Variants in NCK2 observed in about 807,000 individuals in gnomAD.
The protein encoded by NCK2 is cytoplasmic protein NCK2.
Under a neutral mutation model 33.9 loss-of-function variants are expected in NCK2, and 16 were observed. That is an observed-to-expected ratio of 0.47 (90% CI 0.32 to 0.72). NCK2 has a LOEUF of 0.72. NCK2 is among the 30% of genes least tolerant of loss of function. The probability of loss-of-function intolerance (pLI) is 0.03; values close to 1 mark genes in which losing one functional copy is unlikely to be tolerated. For missense variants in NCK2, 418 were observed against 537.3 expected, an observed-to-expected ratio of 0.78 and a Z score of 2.19; for synonymous variants, 273 against 239.9, an observed-to-expected ratio of 1.14 and a Z score of -1.27.
intron 1 of NCK2, among the ~76,000 whole-genome samples, chr2:105,812,595 G>A (rs1046226134): frequency 1.3e-5 from 2 of 152,170 alleles, no homozygotes; most frequent in African/African-American, 2.4e-5. Context: ...GGAGGGAAGG[G>A]TAAGACAAGG....
intron 1 of NCK2, among the ~76,000 whole-genome samples, chr2:105,764,552 C>T (rs1269684281): frequency 1.3e-5 from 2 of 152,198 alleles, no homozygotes; most frequent in Non-Finnish European, 2.9e-5. Context: ...CTGGTCTTCC[C>T]AGGTGGGGTT....
chr2:105,880,871 C>G (rs1678442841), intron 3 of NCK2, among the ~76,000 whole-genome samples: 1 of 150,206 alleles, frequency 6.7e-6, no homozygotes, highest in Non-Finnish European at 1.5e-5. Context: ...AACTCTGGCT[C>G]AAGCCATCCT....
At position 105,769,347 on chromosome 2, in the gene NCK2, T is replaced by C. The variant is rs1041647513; in HGVS notation, c.-201+24209T>C. 9.3e-5 allele frequency among the ~76,000 whole-genome samples: 13 copies of C among 140,504 alleles called. No homozygotes were observed. In the Admixed American group the frequency reaches 9.8e-4, roughly 11 times the overall value. The allele number at this position is 140,504 out of a possible 152,430, so 92.2% of individuals were successfully genotyped here. A position where few individuals can be genotyped will look rare whatever the true frequency, so the allele number is the denominator to read the frequency against. On this transcript the variant is annotated intron_variant, in intron 1 of 4. Coordinates refer to ENST00000233154, the MANE Select transcript of NCK2 (RefSeq NM_003581.5). Reference sequence around the variant, plus strand: ...TCCTCTCAGTAAAACAGCTGATGCGTGCCTATTTTACATTCTTTTCTACCC... The same window carrying C: ...TCCTCTCAGTAAAACAGCTGATGCGCGCCTATTTTACATTCTTTTCTACCC...
intron 1 of NCK2, among the ~76,000 whole-genome samples, chr2:105,810,147 A>G (rs1166736753): frequency 6.6e-6 from 1 of 152,188 alleles, no homozygotes; most frequent in Non-Finnish European, 1.5e-5. Flanking sequence ...GTGGAATTTT[A>G]TCTAAAGCTG....
intron 3 of NCK2, among the ~76,000 whole-genome samples, chr2:105,878,631 A>G (rs1448051800): frequency 1.3e-5 from 2 of 152,226 alleles, no homozygotes; most frequent in Non-Finnish European, 2.9e-5. Flanking sequence ...CACCCAGTCT[A>G]TGGTACTTAT....
chr2:105,833,291 T>A (rs955667628), intron 2 of NCK2, among the ~76,000 whole-genome samples: 13 of 152,096 alleles, frequency 8.5e-5, no homozygotes, highest in Non-Finnish European at 1.9e-4. Flanking sequence ...GAGATGAGCT[T>A]TCACCTTGTT....
intron 1 of NCK2, among the ~76,000 whole-genome samples, chr2:105,799,094 A>C (rs1424330169): frequency 2.0e-5 from 3 of 151,990 alleles, no homozygotes; most frequent in African/African-American, 7.3e-5. Flanking sequence ...TTATTTAAGA[A>C]GCTCTCGCTG....
intron 3 of NCK2, among the ~76,000 whole-genome samples, chr2:105,858,900 C>A (rs1185576251): frequency 1.3e-5 from 2 of 152,230 alleles, no homozygotes; most frequent in African/African-American, 4.8e-5. Context: ...GATCTCTTCT[C>A]ATATTCAGCT....
intron 2 of NCK2, among the ~76,000 whole-genome samples, chr2:105,819,239 G>A (rs1675630332): frequency 6.6e-6 from 1 of 150,962 alleles, no homozygotes; most frequent in South Asian, 2.1e-4. Flanking sequence ...GTGCAAGACA[G>A]ACACCATCGG....
chr2:105,769,019 A>T (rs538646459), intron 1 of NCK2, among the ~76,000 whole-genome samples: 2 of 151,848 alleles, frequency 1.3e-5, no homozygotes, highest in South Asian at 2.1e-4. Context: ...CCACTCTCTA[A>T]TCACACGTTT....
intron 3 of NCK2, among the ~76,000 whole-genome samples, chr2:105,864,443 C>A (rs1161030156): frequency 6.6e-6 from 1 of 152,064 alleles, no homozygotes; most frequent in Non-Finnish European, 1.5e-5. Flanking sequence ...GCCTGAAGGA[C>A]CAACAGTGAC....
At chr2:105,796,411 G>A (rs1691082257) in intron 1 of NCK2, among the ~76,000 whole-genome samples, 1 of 152,190 alleles carries the variant, frequency 6.6e-6, no homozygotes. Context: ...CTAAAAAGAG[G>A]AGTGAACAAT....
chr2:105,843,477 G>A (rs902239657), intron 2 of NCK2, among the ~76,000 whole-genome samples: 1 of 151,928 alleles, frequency 6.6e-6, no homozygotes, highest in Admixed American at 6.6e-5. Context: ...GGTACTGCTG[G>A]TTACAATCAA....
intron 1 of NCK2, among the ~76,000 whole-genome samples, chr2:105,792,938 C>T (rs988502640): frequency 2.0e-5 from 3 of 152,196 alleles, no homozygotes; most frequent in Non-Finnish European, 4.4e-5. Flanking sequence ...AGCTATTACC[C>T]CGACGTGCAG....
At chr2:105,871,957 A>C (rs1678031157) in intron 3 of NCK2, among the ~76,000 whole-genome samples, 1 of 152,214 alleles carries the variant, frequency 6.6e-6, no homozygotes, top group Admixed American at 6.5e-5. Context: ...GATTTCGTGC[A>C]AGGGAAATTG....
intron 2 of NCK2, among the ~76,000 whole-genome samples, chr2:105,833,583 G>T (rs1403011641): frequency 6.6e-6 from 1 of 151,866 alleles, no homozygotes; most frequent in African/African-American, 2.4e-5. Flanking sequence ...TTATTTATTT[G>T]GCTTTTCTGT....
intron 1 of NCK2, among the ~76,000 whole-genome samples, chr2:105,787,023 G>A (rs1319671060): frequency 6.6e-6 from 1 of 152,228 alleles, no homozygotes; most frequent in African/African-American, 2.4e-5. Flanking sequence ...GTGAGCATGT[G>A]CCCTGCTTTC....
At position 105,818,010 on chromosome 2, in the gene NCK2, C is replaced by T. The variant is rs1675561292; in HGVS notation, c.-17+1397C>T. The stretch of plus-strand genomic sequence containing the variant: ...TTTATTGCAGCACTACTCATAATAG[C>T]AAAGACTTGGAACCAACCCAAATGT... On this transcript the variant is annotated intron_variant, in intron 2 of 4. Transcript: ENST00000233154. Among the ~76,000 whole-genome samples, 7 of 152,082 alleles carry T rather than the reference C, an allele frequency of 4.6e-5. No homozygotes were observed. The South Asian group carries it at 1.5e-3, about 32-fold the overall frequency.
chr2:105,887,844 A>G (rs893070519), intron 4 of NCK2, among the ~76,000 whole-genome samples: 9 of 152,232 alleles, frequency 5.9e-5, no homozygotes, highest in Admixed American at 2.0e-4. Flanking sequence ...CAAGCTGGCA[A>G]AGCCATAGAG....
Sources: gnomAD v4.1 joint callset for allele counts (sites outside exome capture counted in the v4.1 genomes callset) on GRCh38, gnomAD v4.1.1 for gene constraint, MANE v1.5 for transcripts, NCBI Gene and HGNC (gene_info 2026-07-23, HGNC 2026-07-21) for gene names.